Variants in ABLIM2 observed in about 807,000 individuals in gnomAD.
The protein encoded by ABLIM2 is actin binding LIM protein family member 2, also known as actin-binding LIM protein 2.
ABLIM2 carries 53 observed loss-of-function variants against 97.7 expected under a neutral mutation model. The observed-to-expected ratio is 0.54, with a 90% CI of 0.44 to 0.68. ABLIM2 has a LOEUF of 0.68. Ranked by LOEUF, ABLIM2 falls within the 30% of genes least tolerant of loss-of-function variation. The probability of loss-of-function intolerance (pLI) is 0.00; values close to 1 mark genes in which losing one functional copy is unlikely to be tolerated. For synonymous variants in ABLIM2, 361 were observed against 345.8 expected (o/e 1.04, Z -0.49); for missense variants, 835 against 867.2 (o/e 0.96, Z 0.47).
chr4:8,049,683 C>T (rs1057070443), intron 8 of ABLIM2, among the ~76,000 whole-genome samples: 1 of 152,230 alleles, frequency 6.6e-6, no homozygotes, highest in Non-Finnish European at 1.5e-5. Context: ...CAGAGACATT[C>T]CTTTCTACAG....
chr4:8,147,513 C>T lies in ABLIM2; in HGVS notation c.10+11167G>A, dbSNP rs1396154290. The stretch of plus-strand genomic sequence containing the variant: ...GGGAGATGATTCTGGATGCTATGGG[C>T]GGGCTCTGAGTGCAATCTCAAGAGT... On this transcript the variant is annotated intron_variant, in intron 1 of 20. Coordinates refer to ENST00000447017, the MANE Select transcript of ABLIM2 (RefSeq NM_001130083.2). This position sits in a 1 kb window ranked among gnomAD's most constrained non-coding sequence, Gnocchi z 5.3. Among the ~76,000 whole-genome samples, 7 of 152,092 alleles carry T rather than the reference C, an allele frequency of 4.6e-5. No homozygotes were observed. The highest frequency in any genetic ancestry group is 1.9e-4 in the East Asian group (1 of 5,188).
At chr4:8,153,588 C>A (rs1011291951) in intron 1 of ABLIM2, among the ~76,000 whole-genome samples, 1 of 152,226 alleles carries the variant, frequency 6.6e-6, no homozygotes, top group East Asian at 1.9e-4. Flanking sequence ...TGCAGCAGTG[C>A]AGCTGCCTGT....
In ABLIM2 at chr4:8,015,413, C is replaced by G. The variant is rs1768269524; in HGVS notation, c.1423+4205G>C. ...GAGCCTCAGTGGGGGCTTCCCAGTG[C>G]AATCCGCACTCTGGACACAGCCTGC... is the stretch of plus-strand genomic sequence containing the variant. On this transcript the variant is annotated intron_variant, in intron 14 of 20. Coordinates refer to ENST00000447017, the MANE Select transcript of ABLIM2 (RefSeq NM_001130083.2). This position sits in a 1 kb window ranked among gnomAD's most constrained non-coding sequence, Gnocchi z 4.6. Among the ~76,000 whole-genome samples, 1 of 152,100 alleles carries G rather than the reference C, an allele frequency of 6.6e-6. No individual in the cohort carries two copies. The highest frequency in any genetic ancestry group is 2.1e-4 in the South Asian group (1 of 4,816).
At chr4:8,100,639 G>A (rs903946703) in intron 2 of ABLIM2, among the ~76,000 whole-genome samples, 6 of 151,584 alleles carry the variant, frequency 4.0e-5, no homozygotes, top group Admixed American at 2.0e-4. Context: ...CCAGCTACTC[G>A]GGAGGCTGCG....
intron 11 of ABLIM2, among the ~76,000 whole-genome samples, chr4:8,029,309 T>A (rs1287441982): frequency 1.3e-5 from 2 of 152,112 alleles, no homozygotes; most frequent in African/African-American, 4.8e-5. Flanking sequence ...TCCTGACACA[T>A]ATGCTGTCTT....
chr4:8,121,206 G>A (rs1021027419), intron 1 of ABLIM2, among the ~76,000 whole-genome samples: 3 of 152,184 alleles, frequency 2.0e-5, no homozygotes, highest in African/African-American at 4.8e-5. Context: ...TGATGTGACG[G>A]TGACCACACG....
intron 2 of ABLIM2, among the ~76,000 whole-genome samples, chr4:8,101,349 G>C (rs567943527): frequency 1.3e-5 from 2 of 152,312 alleles, no homozygotes; most frequent in East Asian, 3.9e-4. Flanking sequence ...TGCCCTGTGC[G>C]GCTTAGGCTG....
At chr4:8,153,525 G>T (rs1045558825) in intron 1 of ABLIM2, among the ~76,000 whole-genome samples, 4 of 152,278 alleles carry the variant, frequency 2.6e-5, no homozygotes, top group African/African-American at 9.6e-5. Context: ...CTGGGTCAGG[G>T]GGGTCTGGCT....
chr4:8,080,795 C>T lies in ABLIM2; in HGVS notation c.462G>A (p.Gly154=), dbSNP rs772515969. 3 of 1,606,614 alleles carry T rather than the reference C, an allele frequency of 1.9e-6. No homozygotes were observed. Among genetic ancestry groups the T allele is most frequent in the South Asian group, 2.2e-5 (2 of 90,270 alleles). Reference sequence around the variant, plus strand: ...CATTCTTGATTTCTGTGCCGCAGCCCCCACAACCTGGAAGAAAGAGAAGAG... The same window carrying T: ...CATTCTTGATTTCTGTGCCGCAGCCTCCACAACCTGGAAGAAAGAGAAGAG... ...AHLSQGLRSC[G]GCGTEIKNGQ... Residue 154 remains glycine (G), a synonymous_variant, in exon 5 of 21, where the codon GGG becomes GGA. Transcript: ENST00000447017.
At chr4:7,968,432 T>A (rs1293644088) in intron 20 of ABLIM2, among the ~76,000 whole-genome samples, 1 of 152,232 alleles carries the variant, frequency 6.6e-6, no homozygotes, top group Non-Finnish European at 1.5e-5. Flanking sequence ...ACAAACCAGG[T>A]GTCCATCAAT....
chr4:7,997,851 T>C (rs1313093503), intron 16 of ABLIM2, among the ~76,000 whole-genome samples: 3 of 152,204 alleles, frequency 2.0e-5, no homozygotes, highest in Admixed American at 6.5e-5. Context: ...CTGATTCTTC[T>C]CAGTGTTAGT....
At chr4:7,978,967 TTGCAGCCTCATCTG>T (rs1217478868) in intron 20 of ABLIM2, among the ~76,000 whole-genome samples, 10 of 152,132 alleles carry the variant, frequency 6.6e-5, no homozygotes, top group East Asian at 3.8e-4. Flanking sequence ...CGTACTGGAT[TTGCAGCCTCATCTG>T]CGCACTCACT....
At position 8,002,616 on chromosome 4, in the gene ABLIM2, G is replaced by A. The variant is rs1482249367; in HGVS notation, c.1618+5443C>T. ...CGGCCTGCTTCCACCAGCTTCTGGC[G>A]AGTCCCAGCTCCGCCACCCTCACCG... On this transcript the variant is annotated intron_variant, in intron 16 of 20. Transcript: ENST00000447017. This position sits in a 1 kb window ranked among gnomAD's most constrained non-coding sequence, Gnocchi z 6.1. Among the ~76,000 whole-genome samples the A allele has an allele frequency of 1.3e-5, 2 of 152,038 alleles. No homozygotes were observed. The highest frequency in any genetic ancestry group is 2.4e-5 in the African/African-American group (1 of 41,382).
At chr4:8,115,849 A>AC (rs1561515936) in intron 1 of ABLIM2, among the ~76,000 whole-genome samples, 1 of 152,018 alleles carries the variant, frequency 6.6e-6, no homozygotes, top group African/African-American at 2.4e-5. Flanking sequence ...GTCATCAAGT[A>AC]CCCCCAGCTT....
chr4:8,156,516 C>T (rs551260220), intron 1 of ABLIM2, among the ~76,000 whole-genome samples: 1 of 152,258 alleles, frequency 6.6e-6, no homozygotes, highest in Non-Finnish European at 1.5e-5. Context: ...TCGATCCACA[C>T]CTGGGTCATC....
chr4:8,009,060 T>C lies in ABLIM2; in HGVS notation c.1466A>G (p.Asp489Gly). 1 of 1,614,052 alleles carries C rather than the reference T, an allele frequency of 6.2e-7. No individual in the cohort carries two copies. The highest frequency in any genetic ancestry group is 1.3e-5 in the African/African-American group (1 of 75,058). Residue 489 changes from aspartate to glycine, a missense_variant, in exon 15 of 21, where the codon GAT becomes GGT. Asp to Gly is a moderately conservative substitution (Grantham distance 94). Transcript: ENST00000447017. ...GCTCCCTGGCATTACCTTCCTGTTATCCTGGTCCAAGCTTCCATCCTCCCC... is the reference window on the plus strand; with the variant it reads ...GCTCCCTGGCATTACCTTCCTGTTACCCTGGTCCAAGCTTCCATCCTCCCC... ...SDGEDGSLDQ[D>G]NRKQKSSWLM...
chr4:8,032,654 C>T lies in ABLIM2; in HGVS notation c.1048-2878G>A, dbSNP rs554582397. On this transcript the variant is annotated intron_variant, in intron 10 of 20. Coordinates refer to ENST00000447017, the MANE Select transcript of ABLIM2 (RefSeq NM_001130083.2). This position sits in a 1 kb window ranked among gnomAD's most constrained non-coding sequence, Gnocchi z 4.3. ...GCGAGAGGGTGGTGGTTACCTCGGT[C>T]GGCGTTGGCGAGAGCAACTGAGGGG... The T allele has an allele frequency of 1.4e-4, 232 of 1,612,444 alleles. 4 individuals carry two copies. In the South Asian group the frequency reaches 2.2e-3, roughly 15 times the overall value.
Position 8,004,944 on chromosome 4 carries a change from C to T in ABLIM2, c.1618+3115G>A, listed in dbSNP as rs937439856. Among the ~76,000 whole-genome samples the T allele has an allele frequency of 2.0e-5, 3 of 152,204 alleles. No homozygotes were observed. The highest frequency in any genetic ancestry group is 1.9e-4 in the East Asian group (1 of 5,188). On this transcript the variant is annotated intron_variant, in intron 16 of 20. Transcript: ENST00000447017. This position sits in a 1 kb window ranked among gnomAD's most constrained non-coding sequence, Gnocchi z 5.9. ...TGGGGATGGCTCCCGGGTTTGTCAC[C>T]GCCATAAAGTCCTCTGGCTTCCCTG...
intron 16 of ABLIM2, among the ~76,000 whole-genome samples, chr4:7,995,730 G>A (rs1161057447): frequency 2.0e-5 from 3 of 152,192 alleles, no homozygotes; most frequent in Non-Finnish European, 4.4e-5. Context: ...CTCCCTCGAC[G>A]CATGAGCTTT....
Sources: gnomAD v4.1 joint callset for allele counts (sites outside exome capture counted in the v4.1 genomes callset) on GRCh38, gnomAD v4.1.1 for gene constraint, Gnocchi (gnomAD v3.1) non-coding constraint, MANE v1.5 for transcripts, NCBI Gene and HGNC (gene_info 2026-07-23, HGNC 2026-07-21) for gene names.